The following CTBP2 variants were observed in gnomAD, a reference collection of about 807,000 sequenced individuals.
The protein encoded by CTBP2 is C-terminal-binding protein 2.
A neutral mutation model predicts 80.3 loss-of-function variants in CTBP2; 30 were observed. The ratio of observed to expected loss-of-function variants is 0.37; its 90% confidence interval spans 0.28 to 0.51. CTBP2 has a LOEUF of 0.51. CTBP2 is among the 20% of genes least tolerant of loss of function. The probability of loss-of-function intolerance (pLI) is 0.93; values close to 1 mark genes in which losing one functional copy is unlikely to be tolerated. For missense variants in CTBP2, 1,212 were observed against 1,375.3 expected, an observed-to-expected ratio of 0.88 and a Z score of 1.88; for synonymous variants, 594 against 587.4, an observed-to-expected ratio of 1.01 and a Z score of -0.16.
At chr10:125,091,200 CTACT>C (rs1254807616) in intron 2 of CTBP2, among the ~76,000 whole-genome samples, 5 of 152,162 alleles carry the variant, frequency 3.3e-5, no homozygotes, top group Non-Finnish European at 7.3e-5. Flanking sequence ...TTGGAGAGGC[CTACT>C]GGTCTGCAGA....
At chr10:125,160,379 GCGTCTCCCGCCC>G (rs1861741342) in exon 1 of CTBP2, 1 of 155,732 alleles carries the variant, frequency 6.4e-6, no homozygotes, top group Non-Finnish European at 1.4e-5. Flanking sequence ...GGCGGCGGCG[GCGTCTCCCGCCC>G]CTCCCACCCC....
At chr10:125,069,886 C>CG (rs1845191268) in intron 2 of CTBP2, among the ~76,000 whole-genome samples, 1 of 118,122 alleles carries the variant, frequency 8.5e-6, no homozygotes, top group African/African-American at 2.9e-5. Flanking sequence ...CCCTGCCCCC[C>CG]TCCCCCCCCC....
chr10:125,058,385 A>G (rs1367580988), intron 2 of CTBP2, among the ~76,000 whole-genome samples: 6 of 152,056 alleles, frequency 3.9e-5, no homozygotes, highest in Non-Finnish European at 8.8e-5. Context: ...TGATCTAACC[A>G]TCCATTCCTC....
chr10:125,157,035 A>G (rs1184353295), intron 1 of CTBP2, among the ~76,000 whole-genome samples: 2 of 152,176 alleles, frequency 1.3e-5, no homozygotes, highest in African/African-American at 4.8e-5. Flanking sequence ...CTCACCAAGT[A>G]TGTCACTGGC....
At chr10:125,042,422 T>C (rs1199970570) in intron 2 of CTBP2, among the ~76,000 whole-genome samples, 2 of 152,024 alleles carry the variant, frequency 1.3e-5, no homozygotes, top group Admixed American at 6.5e-5. Context: ...CACTCATAAA[T>C]CAATTTTTCC....
At chr10:124,996,795 C>T (rs1386127396) in intron 4 of CTBP2, 1 of 152,200 alleles carries the variant, frequency 6.6e-6, no homozygotes, top group African/African-American at 2.4e-5. Flanking sequence ...CCATGAGGCC[C>T]AGTGGGGCCC....
chr10:125,043,413 C>T (rs1173803913), intron 2 of CTBP2, among the ~76,000 whole-genome samples: 1 of 152,166 alleles, frequency 6.6e-6, no homozygotes, highest in Non-Finnish European at 1.5e-5. Context: ...GTTTTATAGA[C>T]CCTCTCGATT....
intron 2 of CTBP2, among the ~76,000 whole-genome samples, chr10:125,108,371 C>A (rs78302054): frequency 0.029 from 4,387 of 152,298 alleles, 191 homozygotes; most frequent in African/African-American, 0.097. Context: ...GGCTCTAGGG[C>A]CTCACGGATT....
Position 124,992,731 on chromosome 10 carries a change from T to C in CTBP2, c.2741A>G (p.Gln914Arg). Residue 914 changes from glutamine to arginine, a missense_variant, in exon 8 of 9, where the codon CAA becomes CGA. Gln to Arg is a conservative substitution (Grantham distance 43, BLOSUM62 1). Transcript: ENST00000309035. ...ACCATTGAGCTCAGGATGAATTGCT[T>C]GCTGGTCTATTACTGACCAAGGCGC... 6.2e-7 allele frequency: 1 copy of C among 1,608,836 alleles called. No individual in the cohort carries two copies. Among genetic ancestry groups the C allele is most frequent in the Non-Finnish European group, 8.5e-7 (1 of 1,177,594 alleles).
Position 124,993,895 on chromosome 10 carries a change from G to T in CTBP2, c.2491C>A (p.Arg831=). 6.2e-7 allele frequency: 1 copy of T among 1,614,046 alleles called. No homozygotes were observed. Among genetic ancestry groups the T allele is most frequent in the Non-Finnish European group, 8.5e-7 (1 of 1,180,028 alleles). ...TCATGCACGTCGAGGGCTGCCCCTC[G>T]TATCCTGCCCTCCTTGAGGGCTTGT... Residue 831 remains arginine, a synonymous_variant, in exon 6 of 9, where the codon CGA becomes AGA. Transcript: ENST00000309035.
chr10:125,086,263 G>A (rs1451238619), intron 2 of CTBP2, among the ~76,000 whole-genome samples: 1 of 152,186 alleles, frequency 6.6e-6, no homozygotes, highest in African/African-American at 2.4e-5. Context: ...AAGGCTCGGT[G>A]GCTAATGCCT....
intron 3 of CTBP2, among the ~76,000 whole-genome samples, chr10:125,035,083 G>A (rs568619530): frequency 5.9e-5 from 9 of 152,220 alleles, no homozygotes; most frequent in African/African-American, 9.6e-5. Context: ...AAGAGCCCGC[G>A]ACACAGAAGA....
rs74571892 is a variant in CTBP2 at position 125,052,110 on chromosome 10, G to T, written c.-101-12955C>A. 5.9e-5 allele frequency among the ~76,000 whole-genome samples: 9 copies of T among 152,256 alleles called. No homozygotes were observed. In the East Asian group the frequency reaches 1.4e-3, roughly 23 times the overall value. On this transcript the variant is annotated intron_variant, in intron 2 of 10. Transcript: ENST00000337195. ...ACACATGCCAACAGACGGGAGGCTC[G>T]CACCTATCGGTGGGGGTCTGCGCTG...
chr10:125,115,421 A>G (rs1289506690), intron 1 of CTBP2, among the ~76,000 whole-genome samples: 1 of 152,226 alleles, frequency 6.6e-6, no homozygotes, highest in Non-Finnish European at 1.5e-5. Flanking sequence ...GGACAAGGGA[A>G]AGAACAAGGA....
chr10:124,991,892 A>AT (rs907027879), intron 8 of CTBP2, among the ~76,000 whole-genome samples: 1 of 16,000 alleles, frequency 6.3e-5, no homozygotes, highest in African/African-American at 1.5e-4. Context: ...GCCAGCAATA[A>AT]TGGGGGGGGG....
chr10:125,143,123 GC>G (rs1203879736), intron 1 of CTBP2, among the ~76,000 whole-genome samples: 2 of 152,056 alleles, frequency 1.3e-5, no homozygotes, highest in Non-Finnish European at 2.9e-5. Context: ...TAGCCCGGCA[GC>G]CCCCCCACGA....
At chr10:125,079,345 G>A (rs77936708) in intron 2 of CTBP2, among the ~76,000 whole-genome samples, 1,536 of 152,164 alleles carry the variant, frequency 0.01, 36 homozygotes, top group African/African-American at 0.034. Context: ...CAGCGGTGGC[G>A]GCATTCCTCT....
chr10:125,137,029 C>A (rs1337519643), intron 1 of CTBP2, among the ~76,000 whole-genome samples: 2 of 152,182 alleles, frequency 1.3e-5, no homozygotes, highest in African/African-American at 4.8e-5. Flanking sequence ...CCGCCGAAAA[C>A]GAGAAGTTTG....
intron 2 of CTBP2, among the ~76,000 whole-genome samples, chr10:125,059,726 A>G (rs1171697781): frequency 6.6e-6 from 1 of 152,136 alleles, no homozygotes; most frequent in African/African-American, 2.4e-5. Flanking sequence ...CTGACACTGC[A>G]TCAGTGGGCA....
Sources: gnomAD v4.1 joint callset for allele counts (sites outside exome capture counted in the v4.1 genomes callset) on GRCh38, gnomAD v4.1.1 for gene constraint, MANE v1.5 for transcripts, NCBI Gene and HGNC (gene_info 2026-07-23, HGNC 2026-07-21) for gene names.